Variants in NIPBL observed in about 807,000 individuals in gnomAD.
NIPBL encodes NIPBL cohesin loading factor.
NIPBL carries 19 observed loss-of-function variants against 321.8 expected under a neutral mutation model. That is an observed-to-expected ratio of 0.06 (90% CI 0.04 to 0.09). NIPBL has a LOEUF of 0.09. NIPBL is among the 10% of genes least tolerant of loss of function. The pLI is 1.00. For missense variants in NIPBL, 2,210 were observed against 3,327.0 expected (o/e 0.66, Z 8.26); for synonymous variants, 1,106 against 1,114.1 (o/e 0.99, Z 0.14).
chr5:36,963,889 A>G (rs293755), intron 6 of NIPBL, among the ~76,000 whole-genome samples: 4,721 of 152,248 alleles, frequency 0.031, 236 homozygotes, highest in African/African-American at 0.11. Flanking sequence ...GTAAAATACT[A>G]TTATACTCAA....
chr5:36,960,088 T>TA (rs1254934577), intron 4 of NIPBL, among the ~76,000 whole-genome samples: 2 of 152,022 alleles, frequency 1.3e-5, no homozygotes, highest in African/African-American at 4.8e-5. Flanking sequence ...AAAATAAAAA[T>TA]AAAATAGAAA....
At chr5:36,950,274 G>A (rs1005560049) in intron 1 of NIPBL, among the ~76,000 whole-genome samples, 7 of 151,952 alleles carry the variant, frequency 4.6e-5, no homozygotes, top group African/African-American at 1.7e-4. Flanking sequence ...TATTTGTTTT[G>A]AAAAGACTCC....
rs759890236 is a variant in NIPBL, at chr5:37,057,166, C to T, written c.7264-20C>T. The T allele has an allele frequency of 9.9e-6, 16 of 1,611,918 alleles. 1 individual carries two copies. The South Asian group carries it at 1.6e-4, about 17-fold the overall frequency. On this transcript the variant is annotated intron_variant, in intron 42 of 46. Coordinates refer to ENST00000282516, the MANE Select transcript of NIPBL (RefSeq NM_133433.4). ...CTAGATTATCCGCTAAACATGTGTG[C>T]TTTTTCTTAAAATTTACAGAAAACA... is the stretch of plus-strand genomic sequence containing the variant.
At chr5:36,930,097 A>T (rs1015711730) in intron 1 of NIPBL, among the ~76,000 whole-genome samples, 1 of 151,986 alleles carries the variant, frequency 6.6e-6, no homozygotes, top group Non-Finnish European at 1.5e-5. Context: ...GGATCAGCTT[A>T]TTTCTATGGA....
intron 1 of NIPBL, among the ~76,000 whole-genome samples, chr5:36,882,235 G>A (rs1273848559): frequency 6.6e-6 from 1 of 151,814 alleles, no homozygotes; most frequent in Admixed American, 6.6e-5. Context: ...TTTAGATACT[G>A]TACAACGTCA....
At chr5:36,952,408 G>C (rs1444926472) in intron 1 of NIPBL, among the ~76,000 whole-genome samples, 1 of 152,096 alleles carries the variant, frequency 6.6e-6, no homozygotes, top group East Asian at 1.9e-4. Flanking sequence ...AGTTGATGTA[G>C]ACTTCCATTT....
chr5:36,980,090 G>A (rs1743962669), intron 9 of NIPBL, among the ~76,000 whole-genome samples: 2 of 151,562 alleles, frequency 1.3e-5, no homozygotes, highest in South Asian at 4.2e-4. Context: ...TTAAAATAAG[G>A]GTCATATATA....
intron 6 of NIPBL, among the ~76,000 whole-genome samples, chr5:36,965,700 T>C (rs145728773): frequency 1.2e-4 from 19 of 152,172 alleles, no homozygotes; most frequent in African/African-American, 4.6e-4. Context: ...AAAAGACAAA[T>C]ATTAAGGTGG....
chr5:37,023,008 A>C (rs1749825049), intron 29 of NIPBL, among the ~76,000 whole-genome samples: 1 of 152,208 alleles, frequency 6.6e-6, no homozygotes, highest in South Asian at 2.1e-4. Flanking sequence ...TCTCCACACT[A>C]CCCATTGCAG....
chr5:37,017,800 A>G (rs1457543379), intron 24 of NIPBL, among the ~76,000 whole-genome samples: 1 of 152,080 alleles, frequency 6.6e-6, no homozygotes, highest in Non-Finnish European at 1.5e-5. Context: ...GTGTTTTGAA[A>G]TAATCTCAAC....
At chr5:36,878,973 T>TG (rs1343667690) in intron 1 of NIPBL, among the ~76,000 whole-genome samples, 19 of 108,588 alleles carry the variant, frequency 1.7e-4, no homozygotes, top group Admixed American at 7.8e-4. Flanking sequence ...CTACTGCGGG[T>TG]GGGGGGGTGT....
At chr5:36,923,451 G>A (rs1292700643) in intron 1 of NIPBL, among the ~76,000 whole-genome samples, 1 of 152,110 alleles carries the variant, frequency 6.6e-6, no homozygotes, top group Non-Finnish European at 1.5e-5. Context: ...GATAACTAGA[G>A]TAATCTTTGA....
intron 1 of NIPBL, among the ~76,000 whole-genome samples, 155 bp from the exon 2 acceptor site, chr5:36,953,463 A>G (rs899182391): frequency 3.3e-5 from 5 of 152,226 alleles, no homozygotes; most frequent in East Asian, 3.8e-4. Context: ...GCACTTTGCA[A>G]TTGCTTAACA....
intron 34 of NIPBL, 60 bp from the exon 35 acceptor site, chr5:37,044,287 C>A: frequency 6.7e-7 from 1 of 1,483,966 alleles, no homozygotes; most frequent in Non-Finnish European, 9.3e-7. Context: ...ATACGTAAAG[C>A]TGTATATAGT....
rs1295213842 is a variant in NIPBL, at chr5:37,020,548, A to T, written c.5100A>T (p.Ser1700=). ...KAMKSQKDEE[S]SEGTHHAKEI... Reference sequence around the variant, plus strand: ...TGAAATCACAAAAAGATGAAGAATCATCTGAAGGAACACATCATGCAAAGG... The same window carrying T: ...TGAAATCACAAAAAGATGAAGAATCTTCTGAAGGAACACATCATGCAAAGG... Residue 1700 remains serine (S), a synonymous_variant, in exon 26 of 47, where the codon TCA becomes TCT. Transcript: ENST00000282516. The T allele has an allele frequency of 1.2e-6, 2 of 1,613,934 alleles. No individual in the cohort carries two copies. The highest frequency in any genetic ancestry group is 2.7e-5 in the African/African-American group (2 of 74,938).
At chr5:36,959,017 G>A (rs1018661211) in intron 4 of NIPBL, among the ~76,000 whole-genome samples, 22 of 152,024 alleles carry the variant, frequency 1.4e-4, no homozygotes, top group African/African-American at 5.3e-4. Context: ...ACCAGCCTGG[G>A]CAACATGGTG....
chr5:36,989,376 G>C (rs1745209833), intron 10 of NIPBL, among the ~76,000 whole-genome samples: 1 of 151,988 alleles, frequency 6.6e-6, no homozygotes. Context: ...TCCTTGCCTG[G>C]GAGGGGTGGA....
chr5:36,893,881 A>G (rs1285828395), intron 1 of NIPBL, among the ~76,000 whole-genome samples: 10 of 152,216 alleles, frequency 6.6e-5, no homozygotes, highest in Admixed American at 6.5e-4. Context: ...GGTAGGAGAT[A>G]GTGTAAATGA....
At chr5:36,926,265 A>G (rs981293755) in intron 1 of NIPBL, among the ~76,000 whole-genome samples, 8 of 152,180 alleles carry the variant, frequency 5.3e-5, no homozygotes, top group African/African-American at 1.7e-4. Context: ...TGTGGTTTTA[A>G]AATAACAGCC....
Sources: gnomAD v4.1 joint callset for allele counts (sites outside exome capture counted in the v4.1 genomes callset) on GRCh38, gnomAD v4.1.1 for gene constraint, MANE v1.5 for transcripts, NCBI Gene and HGNC (gene_info 2026-07-23, HGNC 2026-07-21) for gene names.